The following UBAP2 variants were observed in gnomAD, a reference collection of about 807,000 sequenced individuals.
UBAP2 encodes the protein ubiquitin associated protein 2.
UBAP2 carries 75 observed loss-of-function variants against 139.6 expected under a neutral mutation model. That is an observed-to-expected ratio of 0.54 (90% CI 0.45 to 0.65). The LOEUF (loss-of-function observed/expected upper bound fraction) is 0.65. UBAP2 is among the 30% of genes least tolerant of loss of function. The pLI is 0.00. For missense variants in UBAP2, 1,368 were observed against 1,369.6 expected, an observed-to-expected ratio of 1.00 and a Z score of 0.02; for synonymous variants, 526 against 526.2, an observed-to-expected ratio of 1.00 and a Z score of 0.01.
At chr9:33,945,051 G>T (rs1825548226) in intron 13 of UBAP2, among the ~76,000 whole-genome samples, 1 of 151,640 alleles carries the variant, frequency 6.6e-6, no homozygotes, top group South Asian at 2.1e-4. Context: ...GATTGCTTTA[G>T]CCCAGGAGTA....
intron 2 of UBAP2, chr9:34,011,778 T>C (rs1823766606): frequency 2.6e-6 from 1 of 379,666 alleles, no homozygotes; most frequent in Non-Finnish European, 3.6e-6. Context: ...ACATCTCAAG[T>C]TGAAAAATAT....
chr9:33,945,159 T>C (rs920021412), intron 13 of UBAP2, among the ~76,000 whole-genome samples: 3 of 146,148 alleles, frequency 2.1e-5, no homozygotes, highest in South Asian at 4.5e-4. Context: ...AAAAAACTTA[T>C]TAAGTTTTTG....
chr9:34,037,270 G>A (rs1826517739), intron 1 of UBAP2, among the ~76,000 whole-genome samples: 1 of 152,164 alleles, frequency 6.6e-6, no homozygotes, highest in African/African-American at 2.4e-5. Flanking sequence ...TTACAGGCGT[G>A]AGCCACCGCG....
intron 19 of UBAP2, among the ~76,000 whole-genome samples, chr9:33,929,022 G>A (rs307689): frequency 0.031 from 4,701 of 152,218 alleles, 158 homozygotes; most frequent in East Asian, 0.089. Context: ...GTTTCCTGGG[G>A]CTCCAAGGCG....
At chr9:34,034,117 T>A (rs1587692930) in intron 1 of UBAP2, among the ~76,000 whole-genome samples, 1 of 152,294 alleles carries the variant, frequency 6.6e-6, no homozygotes, top group Non-Finnish European at 1.5e-5. Flanking sequence ...CATTTCAACA[T>A]TTGGCACTCA....
Position 33,935,878 on chromosome 9 carries a change from T to C in UBAP2, c.1930A>G (p.Asn644Asp), listed in dbSNP as rs374690576. The C allele has an allele frequency of 1.2e-6, 2 of 1,612,056 alleles. No individual in the cohort carries two copies. Among genetic ancestry groups the C allele is most frequent in the Non-Finnish European group, 1.7e-6 (2 of 1,179,548 alleles). Residue 644 changes from asparagine to aspartate, a missense_variant and splice_region_variant, in exon 17 of 29, where the codon AAT becomes GAT. Physicochemically the swap from Asn to Asp is conservative, Grantham distance 23. Coordinates refer to ENST00000379238, the MANE Select transcript of UBAP2 (RefSeq NM_001370062.2). Reference sequence around the variant, plus strand: ...TGACTTCGACCACCACCATGTCCATTCTATAAGGAAAAGAAGAGAAGAGAA... The same window carrying C: ...TGACTTCGACCACCACCATGTCCATCCTATAAGGAAAAGAAGAGAAGAGAA... ...SSESAPGTIM[N>D]GHGGGRSQQT... is the part of the protein sequence containing the mutation.
chr9:33,936,327 C>T (rs1053800342), intron 16 of UBAP2, among the ~76,000 whole-genome samples: 7 of 152,034 alleles, frequency 4.6e-5, no homozygotes, highest in African/African-American at 1.2e-4. Context: ...TGGTGTCTTG[C>T]GCTGTCACCC....
chr9:33,930,009 AAAT>A (rs1453275261), intron 19 of UBAP2, among the ~76,000 whole-genome samples: 1 of 152,148 alleles, frequency 6.6e-6, no homozygotes, highest in African/African-American at 2.4e-5. Flanking sequence ...CGTCTCAGAA[AAAT>A]AATAAGAAAT....
At chr9:33,976,065 TAATA>T (rs1293238658) in intron 6 of UBAP2, among the ~76,000 whole-genome samples, 2 of 152,064 alleles carry the variant, frequency 1.3e-5, no homozygotes, top group Non-Finnish European at 2.9e-5. Context: ...TAAATTTTTT[TAATA>T]AATGTTTTTT....
rs182217810 is a variant in UBAP2 at position 33,987,049 on chromosome 9, T to C, written c.443-212A>G. Among the ~76,000 whole-genome samples the C allele has an allele frequency of 2.0e-5, 3 of 152,110 alleles. No individual in the cohort carries two copies. In the East Asian group the frequency reaches 5.8e-4, roughly 29 times the overall value. On this transcript the variant is annotated intron_variant, in intron 5 of 28. Coordinates refer to ENST00000379238, the MANE Select transcript of UBAP2 (RefSeq NM_001370062.2). The stretch of plus-strand genomic sequence containing the variant: ...ACACTTGTAATTCCAGCACTTGTAA[T>C]TTCCAGCTGAGGGGGGCAGATCTCT...
At chr9:34,009,381 A>G (rs1295762552) in intron 2 of UBAP2, among the ~76,000 whole-genome samples, 3 of 151,710 alleles carry the variant, frequency 2.0e-5, no homozygotes, top group African/African-American at 7.3e-5. Flanking sequence ...TTACAGACGC[A>G]AGCCACCACA....
chr9:34,013,407 C>T (rs1386973870), intron 2 of UBAP2, among the ~76,000 whole-genome samples: 4 of 151,346 alleles, frequency 2.6e-5, no homozygotes, highest in Non-Finnish European at 5.9e-5. Context: ...AAAAATTAGC[C>T]AGGCGAGGTG....
At chr9:33,996,182 G>C (rs1372971249) in intron 4 of UBAP2, 41 bp downstream of exon 4, 1 of 1,475,850 alleles carries the variant, frequency 6.8e-7, no homozygotes, top group Non-Finnish European at 9.4e-7. Flanking sequence ...TACGGAATTG[G>C]AGACAAATGT....
chr9:33,936,270 C>G (rs949517469), intron 16 of UBAP2, among the ~76,000 whole-genome samples: 1 of 151,886 alleles, frequency 6.6e-6, no homozygotes, highest in Non-Finnish European at 1.5e-5. Flanking sequence ...GCATGAGCTA[C>G]CACACCCAGA....
chr9:34,002,595 C>T (rs977691008), intron 2 of UBAP2, among the ~76,000 whole-genome samples: 15 of 152,060 alleles, frequency 9.9e-5, no homozygotes, highest in Admixed American at 3.3e-4. Context: ...TCAGGCTGGT[C>T]TCGAACTCCT....
intron 2 of UBAP2, among the ~76,000 whole-genome samples, chr9:34,006,944 T>C (rs1823271795): frequency 6.6e-6 from 1 of 152,188 alleles, no homozygotes; most frequent in South Asian, 2.1e-4. Context: ...TACTATATAA[T>C]GAGTACCTGA....
At position 33,941,643 on chromosome 9, in the gene UBAP2, A is replaced by G. The variant is rs779033546; in HGVS notation, c.1929+6T>C. The G allele has an allele frequency of 6.2e-7, 1 of 1,613,076 alleles. No homozygotes were observed. Among genetic ancestry groups the G allele is most frequent in the Non-Finnish European group, 8.5e-7 (1 of 1,179,134 alleles). On this transcript the variant is annotated splice_donor_region_variant and intron_variant, in intron 16 of 28. Transcript: ENST00000379238. Reference sequence around the variant, plus strand: ...CTTCTGAGAAAAAAACTAAAATACCACTTACCATGATGGTTCCTGGAGCTG... The same window carrying G: ...CTTCTGAGAAAAAAACTAAAATACCGCTTACCATGATGGTTCCTGGAGCTG...
At chr9:34,027,562 A>G (rs1245423146) in intron 1 of UBAP2, among the ~76,000 whole-genome samples, 1 of 149,960 alleles carries the variant, frequency 6.7e-6, no homozygotes, top group Admixed American at 6.7e-5. Context: ...TATTATTTAA[A>G]AAAGAAAAAA....
At chr9:34,023,869 C>T (rs1459226356) in intron 1 of UBAP2, among the ~76,000 whole-genome samples, 1 of 151,386 alleles carries the variant, frequency 6.6e-6, no homozygotes, top group Non-Finnish European at 1.5e-5. Context: ...AAGGTGAAAC[C>T]CCATCTCTAC....
Sources: gnomAD v4.1 joint callset for allele counts (sites outside exome capture counted in the v4.1 genomes callset) on GRCh38, gnomAD v4.1.1 for gene constraint, MANE v1.5 for transcripts, NCBI Gene and HGNC (gene_info 2026-07-23, HGNC 2026-07-21) for gene names.